Variants in GPSM2 observed in about 807,000 individuals in gnomAD.
GPSM2 encodes G protein signaling modulator 2.
In GPSM2, 58 loss-of-function variants were observed where a neutral mutation model predicts 78.4. The ratio of observed to expected loss-of-function variants is 0.74; its 90% CI spans 0.60 to 0.92. The LOEUF is 0.92. Among genes scored for constraint, GPSM2 ranks in the 40% least tolerant of loss-of-function variants. GPSM2 has a pLI of 0.00. For missense variants in GPSM2, 700 were observed against 815.5 expected (o/e 0.86, Z 1.73); for synonymous variants, 224 against 280.2 (o/e 0.80, Z 2.00).
intron 14 of GPSM2, among the ~76,000 whole-genome samples, chr1:108,927,492 G>A (rs1166112226): frequency 6.6e-6 from 1 of 152,160 alleles, no homozygotes; most frequent in Non-Finnish European, 1.5e-5. Context: ...ACCCTTGCAT[G>A]TGTGGTCAAA....
intron 13 of GPSM2, 30 bp from the exon 14 acceptor site, chr1:108,923,970 T>TA (rs775835250): frequency 6.8e-7 from 1 of 1,477,046 alleles, no homozygotes; most frequent in East Asian, 2.3e-5. Flanking sequence ...TGTTTTTTTT[T>TA]AATCTTTGGC....
intron 14 of GPSM2, among the ~76,000 whole-genome samples, chr1:108,925,996 T>G (rs899587464): frequency 6.6e-6 from 1 of 151,930 alleles, no homozygotes; most frequent in African/African-American, 2.4e-5. Context: ...AAGTAGGAAT[T>G]CTCTCGGGCT....
rs1305743276 is a variant in GPSM2, at chr1:108,923,934, C to A, written c.1601-66C>A. On this transcript the variant is annotated intron_variant, in intron 13 of 14. Transcript: ENST00000264126. ...AAGATCTAGGTATATAATAAATGTG[C>A]CTAGGTTTTTTTGTTTTTTGTTTTT... is the stretch of plus-strand genomic sequence containing the variant. 8.7e-6 allele frequency: 10 copies of A among 1,153,454 alleles called. No individual in the cohort carries two copies. In the African/African-American group the frequency reaches 1.4e-4, roughly 16 times the overall value. 71.5% of individuals were successfully genotyped at this position (1,153,454 alleles called of 1,614,324 possible).
intron 14 of GPSM2, 176 bp downstream of exon 14, chr1:108,924,390 G>A (rs1047069555): frequency 2.1e-5 from 14 of 678,314 alleles, no homozygotes; most frequent in Admixed American, 1.5e-4. Flanking sequence ...TCTAGGCATC[G>A]AGGACACACT....
Position 108,917,632 on chromosome 1 carries a change from A to T in GPSM2, c.1264-981A>T, listed in dbSNP as rs1200996419. On this transcript the variant is annotated intron_variant, in intron 11 of 14. Transcript: ENST00000264126. Reference sequence around the variant, plus strand: ...CACACATATATATATATATATATATATATATATATATATATATATATATAT... The same window carrying T: ...CACACATATATATATATATATATATTTATATATATATATATATATATATAT... Among the ~76,000 whole-genome samples the T allele has an allele frequency of 1.6e-4, 3 of 18,316 alleles. 1 individual carries two copies. In the East Asian group the frequency reaches 3.1e-3, roughly 19 times the overall value. 12.0% of individuals were successfully genotyped at this position (18,316 alleles called of 152,430 possible).
intron 10 of GPSM2, among the ~76,000 whole-genome samples, chr1:108,904,456 T>C (rs1048115022): frequency 1.3e-5 from 2 of 148,374 alleles, no homozygotes; most frequent in African/African-American, 2.4e-5. Context: ...AATTATAATA[T>C]ATAATTTATA....
At chr1:108,884,581 G>A (rs1358543373) in intron 1 of GPSM2, among the ~76,000 whole-genome samples, 1 of 152,102 alleles carries the variant, frequency 6.6e-6, no homozygotes, top group Non-Finnish European at 1.5e-5. Flanking sequence ...GACAAGCAAA[G>A]GAATAAGGAA....
intron 10 of GPSM2, chr1:108,909,809 G>A (rs984780801): frequency 2.0e-5 from 3 of 150,808 alleles, no homozygotes; most frequent in African/African-American, 7.3e-5. Flanking sequence ...AGACTGACAC[G>A]GGAGAATTGC....
In GPSM2 at chr1:108,932,685, T is replaced by A. The variant is rs1290662319; in HGVS notation, c.*2745T>A. On this transcript the variant is annotated 3_prime_UTR_variant, in exon 15 of 15. Transcript: ENST00000264126. ...AGACAGCTCTCACCTTGGGGGCATATTCCCCAAGTCAGTGTGAACATGTCT... is the reference window on the plus strand; with the variant it reads ...AGACAGCTCTCACCTTGGGGGCATAATCCCCAAGTCAGTGTGAACATGTCT... 6.6e-6 allele frequency: 1 copy of A among 152,230 alleles called. No homozygotes were observed. The highest frequency in any genetic ancestry group is 2.4e-5 in the African/African-American group (1 of 41,466). 9.4% of individuals were successfully genotyped at this position (152,230 alleles called of 1,614,324 possible). A position where few individuals can be genotyped will look rare whatever the true frequency, so the allele number is the denominator to read the frequency against.
intron 11 of GPSM2, among the ~76,000 whole-genome samples, chr1:108,917,609 CACATATATATATATATAT>C (rs1177788058): frequency 1.3e-4 from 12 of 90,192 alleles, no homozygotes; most frequent in Admixed American, 7.7e-4. Context: ...CACACACACA[CACATATATATATATATAT>C]ATATATATAT....
intron 1 of GPSM2, among the ~76,000 whole-genome samples, chr1:108,880,025 A>T (rs1665819404): frequency 6.6e-6 from 1 of 152,166 alleles, no homozygotes; most frequent in Non-Finnish European, 1.5e-5. Context: ...TCATTTGGCT[A>T]ATAAGATCTA....
intron 12 of GPSM2, among the ~76,000 whole-genome samples, chr1:108,920,803 G>T (rs998233868): frequency 6.6e-6 from 1 of 152,048 alleles, no homozygotes; most frequent in Admixed American, 6.6e-5. Flanking sequence ...CAAGGTTTGG[G>T]GTCTTAACTA....
At chr1:108,893,332 A>G (rs1648109769) in intron 2 of GPSM2, among the ~76,000 whole-genome samples, 1 of 152,236 alleles carries the variant, frequency 6.6e-6, no homozygotes, top group Admixed American at 6.5e-5. Context: ...CAACCCAGTC[A>G]TCCTGAACTG....
chr1:108,915,340 C>T (rs547677359), intron 11 of GPSM2, among the ~76,000 whole-genome samples: 21 of 137,166 alleles, frequency 1.5e-4, no homozygotes, highest in Non-Finnish European at 2.8e-4. Context: ...CACTGTACTC[C>T]AGCCTGGCAA....
intron 1 of GPSM2, among the ~76,000 whole-genome samples, chr1:108,883,747 TTTTACC>T (rs2101317372): frequency 6.6e-6 from 1 of 152,324 alleles, no homozygotes; most frequent in South Asian, 2.1e-4. Flanking sequence ...TCACTGAAGA[TTTTACC>T]TTTATTCCTC....
intron 10 of GPSM2, among the ~76,000 whole-genome samples, chr1:108,907,518 GTCA>G (rs1450501491): frequency 2.6e-5 from 4 of 152,044 alleles, no homozygotes; most frequent in African/African-American, 9.7e-5. Flanking sequence ...ACAAAATTAG[GTCA>G]TCAAGTTCTT....
intron 2 of GPSM2, among the ~76,000 whole-genome samples, chr1:108,893,991 G>A (rs1648169621): frequency 1.3e-5 from 2 of 152,172 alleles, no homozygotes; most frequent in South Asian, 4.1e-4. Flanking sequence ...GGAGGCGGAG[G>A]TTGCAGTGAG....
chr1:108,925,940 T>C (rs181306020), intron 14 of GPSM2, among the ~76,000 whole-genome samples: 89 of 152,062 alleles, frequency 5.9e-4, no homozygotes, highest in Non-Finnish European at 9.0e-4. Flanking sequence ...ACAGTTTTTG[T>C]GTAGGTGAGA....
intron 1 of GPSM2, among the ~76,000 whole-genome samples, chr1:108,884,152 AG>A (rs1647341036): frequency 6.6e-6 from 1 of 152,110 alleles, no homozygotes; most frequent in African/African-American, 2.4e-5. Context: ...CGTGTTGGCT[AG>A]GCTGGTCTTG....
Sources: allele counts gnomAD v4.1 joint callset (sites outside exome capture counted in the v4.1 genomes callset), GRCh38; gene constraint gnomAD v4.1.1; transcripts MANE v1.5; gene names NCBI Gene and HGNC (gene_info 2026-07-23, HGNC 2026-07-21).